Variants in RUNX1T1 observed in about 807,000 individuals in gnomAD.
RUNX1T1 encodes protein CBFA2T1.
In RUNX1T1, 4 loss-of-function variants were observed where a neutral mutation model predicts 62.8. The ratio of observed to expected loss-of-function variants is 0.06; its 90% CI spans 0.03 to 0.15. The LOEUF (loss-of-function observed/expected upper bound fraction) is 0.15. Ranked by LOEUF, RUNX1T1 falls within the 10% of genes least tolerant of loss-of-function variation. RUNX1T1 has a pLI of 1.00. For synonymous variants in RUNX1T1, 291 were observed against 286.0 expected, an observed-to-expected ratio of 1.02 and a Z score of -0.18; for missense variants, 508 against 754.3, an observed-to-expected ratio of 0.67 and a Z score of 3.82.
intron 10 of RUNX1T1, 53 bp from the exon 12 acceptor site, chr8:91,960,570 C>A: frequency 1.9e-6 from 3 of 1,566,320 alleles, no homozygotes; most frequent in Non-Finnish European, 2.6e-6. Flanking sequence ...ACTGTTAAGA[C>A]AATAGTCTGA....
chr8:91,972,389 A>G (rs183954603), intron 9 of RUNX1T1, among the ~76,000 whole-genome samples: 2 of 152,242 alleles, frequency 1.3e-5, no homozygotes, highest in Admixed American at 1.3e-4. Context: ...AATATAAGTA[A>G]AAGATCCATA....
At chr8:92,099,491 A>G (rs778314138) in intron 1 of RUNX1T1, 4 of 249,114 alleles carry the variant, frequency 1.6e-5, no homozygotes, top group Non-Finnish European at 2.6e-5. Context: ...TCACTATATG[A>G]TGAATAAGGT....
intron 1 of RUNX1T1, among the ~76,000 whole-genome samples, chr8:92,045,679 G>A (rs1382155316): frequency 6.6e-6 from 1 of 152,026 alleles, no homozygotes; most frequent in Non-Finnish European, 1.5e-5. Context: ...TCCCTAATCA[G>A]TCTCCACTTT....
At chr8:91,963,147 G>T (rs900344253) in intron 10 of RUNX1T1, among the ~76,000 whole-genome samples, 2 of 152,168 alleles carry the variant, frequency 1.3e-5, no homozygotes, top group Non-Finnish European at 2.9e-5. Context: ...GTTTTGGATC[G>T]TGAAGCTGCT....
At chr8:91,980,669 A>C (rs531155583) in intron 8 of RUNX1T1, among the ~76,000 whole-genome samples, 1 of 152,030 alleles carries the variant, frequency 6.6e-6, no homozygotes, top group East Asian at 1.9e-4. Context: ...TTATGTTTTA[A>C]ATTTTTTAAT....
At chr8:91,976,863 C>A (rs951208398) in intron 8 of RUNX1T1, among the ~76,000 whole-genome samples, 1 of 151,892 alleles carries the variant, frequency 6.6e-6, no homozygotes, top group Non-Finnish European at 1.5e-5. Context: ...TAGAAGAGTT[C>A]GGTAAGAAAA....
intron 10 of RUNX1T1, among the ~76,000 whole-genome samples, chr8:91,962,701 G>A (rs1021274132): frequency 6.6e-6 from 1 of 152,216 alleles, no homozygotes; most frequent in Non-Finnish European, 1.5e-5. Flanking sequence ...TTAGAATAAT[G>A]CCAGCTGGAT....
chr8:91,976,031 T>G (rs1813864528), intron 8 of RUNX1T1, 58 bp from the exon 10 acceptor site: 1 of 1,230,336 alleles, frequency 8.1e-7, no homozygotes, highest in Non-Finnish European at 1.2e-6. Flanking sequence ...AGCACACTTG[T>G]GTCATCGCAC....
chr8:92,040,119 G>C (rs143072998), intron 1 of RUNX1T1, among the ~76,000 whole-genome samples: 8 of 152,204 alleles, frequency 5.3e-5, no homozygotes, highest in African/African-American at 1.7e-4. Flanking sequence ...TTCATACCAG[G>C]TCATGGTCTT....
At chr8:91,981,158 A>C (rs77930850) in intron 8 of RUNX1T1, among the ~76,000 whole-genome samples, 9 of 152,254 alleles carry the variant, frequency 5.9e-5, no homozygotes, top group Non-Finnish European at 1.3e-4. Context: ...TGACCTGCCA[A>C]AGGCCACAAA....
intron 1 of RUNX1T1, among the ~76,000 whole-genome samples, chr8:92,032,947 C>CT (rs576357494): frequency 3.3e-5 from 5 of 152,002 alleles, no homozygotes; most frequent in Admixed American, 6.6e-5. Flanking sequence ...AAAACAAGAT[C>CT]TTTTTTTCAT....
chr8:92,046,949 T>G (rs1829503396), intron 1 of RUNX1T1, among the ~76,000 whole-genome samples: 1 of 152,146 alleles, frequency 6.6e-6, no homozygotes, highest in Non-Finnish European at 1.5e-5. Context: ...TGAGGCCCAG[T>G]GAGGTCTTCA....
intron 3 of RUNX1T1, among the ~76,000 whole-genome samples, chr8:92,013,446 C>T (rs2131124663): frequency 6.6e-6 from 1 of 152,320 alleles, no homozygotes; most frequent in Admixed American, 6.5e-5. Flanking sequence ...GTCTCTTACC[C>T]AGACTTCTAA....
chr8:92,034,298 C>G (rs1826838869), intron 1 of RUNX1T1, among the ~76,000 whole-genome samples: 2 of 152,116 alleles, frequency 1.3e-5, no homozygotes, highest in Non-Finnish European at 2.9e-5. Context: ...GGGGAAAAAT[C>G]CAAAAGTACA....
intron 10 of RUNX1T1, among the ~76,000 whole-genome samples, chr8:91,969,033 C>G (rs1812222147): frequency 6.6e-6 from 1 of 151,424 alleles, no homozygotes; most frequent in Non-Finnish European, 1.5e-5. Flanking sequence ...ACTGAAGACA[C>G]TGGTAATGCT....
chr8:92,069,617 GCT>G (rs1225693971), intron 2 of RUNX1T1, among the ~76,000 whole-genome samples: 7 of 152,064 alleles, frequency 4.6e-5, no homozygotes, highest in Admixed American at 6.6e-5. Flanking sequence ...CTCCAAAACT[GCT>G]CTATTTGTTC....
In RUNX1T1 at chr8:92,075,952, G is replaced by T; in HGVS notation, c.88+13C>A. 4 of 1,596,694 alleles carry T rather than the reference G, an allele frequency of 2.5e-6. No homozygotes were observed. The highest frequency in any genetic ancestry group is 2.3e-5 in the East Asian group (1 of 44,232). On this transcript the variant is annotated intron_variant, in intron 2 of 11. Transcript: ENST00000265814. ...AGTAAATTGCAAAATCAAAATATTT[G>T]TCTGTTCCTTACCTTGACAATATTC...
At chr8:92,017,537 A>C in intron 1 of RUNX1T1, 174 bp from the exon 3 acceptor site, 1 of 1,503,868 alleles carries the variant, frequency 6.6e-7, no homozygotes, top group South Asian at 1.3e-5. Flanking sequence ...ACCCCACTTA[A>C]GAAGGTATAG....
exon 11 of RUNX1T1, chr8:91,959,610 T>C (rs1043199574): frequency 4.5e-6 from 1 of 220,596 alleles, no homozygotes; most frequent in African/African-American, 2.2e-5. Context: ...TTGACCTGGA[T>C]ATTATTATTT....
Sources: gnomAD v4.1 joint callset for allele counts (sites outside exome capture counted in the v4.1 genomes callset) on GRCh38, gnomAD v4.1.1 for gene constraint, MANE v1.5 for transcripts, NCBI Gene and HGNC (gene_info 2026-07-23, HGNC 2026-07-21) for gene names.